The following MRPL42 variants were observed in gnomAD, a reference collection of about 807,000 sequenced individuals.
MRPL42 encodes the protein mitochondrial ribosomal protein L42, also known as large ribosomal subunit protein mL42.
In MRPL42, 17 loss-of-function variants were observed where a neutral mutation model predicts 17.9. The observed-to-expected ratio is 0.95, with a 90% CI of 0.65 to 1.42. The LOEUF (loss-of-function observed/expected upper bound fraction) is 1.42. Among genes scored for constraint, MRPL42 ranks in the 40% most tolerant of loss-of-function variants. The probability of loss-of-function intolerance (pLI) is 0.00; values close to 1 mark genes in which losing one functional copy is unlikely to be tolerated. For synonymous variants in MRPL42, 59 were observed against 54.4 expected, an observed-to-expected ratio of 1.08 and a Z score of -0.37; for missense variants, 177 against 175.2, an observed-to-expected ratio of 1.01 and a Z score of -0.06.
intron 5 of MRPL42, among the ~76,000 whole-genome samples, chr12:93,495,488 G>C (rs1953483845): frequency 6.6e-6 from 1 of 152,016 alleles, no homozygotes; most frequent in Non-Finnish European, 1.5e-5. Flanking sequence ...GTCCACCTTG[G>C]CCTCCCAAAG....
intron 5 of MRPL42, among the ~76,000 whole-genome samples, chr12:93,497,340 G>A (rs1481331443): frequency 6.6e-6 from 1 of 151,986 alleles, no homozygotes; most frequent in Non-Finnish European, 1.5e-5. Flanking sequence ...AACAAAATAC[G>A]AGCAAACCAA....
chr12:93,507,190 A>G lies in MRPL42; in HGVS notation c.*5969A>G, dbSNP rs959523676. 6.6e-6 allele frequency: 1 copy of G among 152,212 alleles called. No homozygotes were observed. The highest frequency in any genetic ancestry group is 2.4e-5 in the African/African-American group (1 of 41,452). 9.4% of individuals were successfully genotyped at this position (152,212 alleles called of 1,614,324 possible). On this transcript the variant is annotated 3_prime_UTR_variant, in exon 6 of 6. Transcript: ENST00000549982. ...GCCAGTTTCCATGACTGGGTCTTAC[A>G]AGTTGTTGTGCACTGACTCCATCAT... is the stretch of plus-strand genomic sequence containing the variant.
chr12:93,481,025 G>A (rs994126396), intron 4 of MRPL42, among the ~76,000 whole-genome samples: 6 of 152,126 alleles, frequency 3.9e-5, no homozygotes, highest in African/African-American at 1.4e-4. Context: ...ACTATGTTGT[G>A]CCTTTGTCCA....
intron 2 of MRPL42, among the ~76,000 whole-genome samples, chr12:93,473,877 T>G (rs1880029553): frequency 6.6e-6 from 1 of 152,258 alleles, no homozygotes; most frequent in South Asian, 2.1e-4. Context: ...CCTTATGAAT[T>G]TTTCAAACAT....
At chr12:93,470,587 A>G (rs939420507) in intron 2 of MRPL42, 10 of 1,234,340 alleles carry the variant, frequency 8.1e-6, no homozygotes, top group African/African-American at 6.2e-5. Context: ...ATAGTACCCA[A>G]TAGGTAGTTT....
intron 5 of MRPL42, among the ~76,000 whole-genome samples, chr12:93,494,211 C>A (rs986935629): frequency 6.6e-6 from 1 of 152,012 alleles, no homozygotes; most frequent in African/African-American, 2.4e-5. Flanking sequence ...AGAAAAATTA[C>A]AAGAACCAAG....
chr12:93,476,005 C>A (rs1315988594), intron 2 of MRPL42, among the ~76,000 whole-genome samples: 1 of 151,674 alleles, frequency 6.6e-6, no homozygotes, highest in East Asian at 1.9e-4. Context: ...ACAACAACAA[C>A]AAAAAAAGAA....
rs768594301 is a variant in MRPL42 at position 93,477,003 on chromosome 12, A to G, written c.120A>G (p.Pro40=). 6.3e-6 allele frequency: 10 copies of G among 1,599,392 alleles called. No individual in the cohort carries two copies. Among genetic ancestry groups the G allele is most frequent in the Non-Finnish European group, 8.6e-6 (10 of 1,169,406 alleles). The change falls in exon 3 of 6, where the codon CCA becomes CCG. Residue 40 remains proline, a synonymous_variant. Transcript: ENST00000549982. ...ATAAATCTACGTATTCTCCTCTACC[A>G]GATGACTATAATTGGTATGTATTAA... The part of the protein sequence containing the change: ...VCHKSTYSPL[P]DDYNCNVELA...
At position 93,487,513 on chromosome 12, in the gene MRPL42, A is replaced by G. The variant is rs1565814972; in HGVS notation, c.236A>G (p.Asp79Gly). 3 of 1,613,100 alleles carry G rather than the reference A, an allele frequency of 1.9e-6. No homozygotes were observed. The African/African-American group carries it at 4.0e-5, about 22-fold the overall frequency. Residue 79 changes from aspartate (D) to glycine (G), a missense_variant, in exon 5 of 6, where the codon GAT becomes GGT. Transcript: ENST00000549982. ...ATTTTGTAGCCTATCCCTCGGCCAG[A>G]TCCTGTGCATAATAATGAAGAAACA... ...YEHTKPIPRP[D>G]PVHNNEETHD...
chr12:93,495,411 T>G (rs567265075), intron 5 of MRPL42, among the ~76,000 whole-genome samples: 104 of 152,220 alleles, frequency 6.8e-4, no homozygotes, highest in African/African-American at 2.1e-3. Flanking sequence ...GTTGTTTGTA[T>G]TTTTTGGAGA....
intron 4 of MRPL42, among the ~76,000 whole-genome samples, chr12:93,480,816 A>G (rs148818278): frequency 0.018 from 2,791 of 152,212 alleles, 79 homozygotes; most frequent in African/African-American, 0.064. Flanking sequence ...CTGGGATTAC[A>G]GGTATGAGCC....
At position 93,511,824 on chromosome 12, in the gene MRPL42, A is replaced by G. The variant is rs1953728279; in HGVS notation, c.*10603A>G. The G allele has an allele frequency of 6.6e-6, 1 of 152,250 alleles. No individual in the cohort carries two copies. Among genetic ancestry groups the G allele is most frequent in the Non-Finnish European group, 1.5e-5 (1 of 68,038 alleles). 9.4% of individuals were successfully genotyped at this position (152,250 alleles called of 1,614,324 possible). On this transcript the variant is annotated 3_prime_UTR_variant, in exon 6 of 6. Transcript: ENST00000549982. ...GGAATCCAATTGGATGGATAGCAGCAGTGGTAAGAGAACATTCCGGAATAA... is the reference window on the plus strand; with the variant it reads ...GGAATCCAATTGGATGGATAGCAGCGGTGGTAAGAGAACATTCCGGAATAA...
In MRPL42 at chr12:93,507,107, G is replaced by A. The variant is rs574956762; in HGVS notation, c.*5886G>A. ...CTGATGAAATGTGCCTTTAGCAATA[G>A]ATGTGTCCAGTGATGTACTAATGAA... On this transcript the variant is annotated 3_prime_UTR_variant, in exon 6 of 6. Coordinates refer to ENST00000549982, the MANE Select transcript of MRPL42 (RefSeq NM_014050.4). 2.0e-5 allele frequency: 3 copies of A among 152,278 alleles called. No individual in the cohort carries two copies. The highest frequency in any genetic ancestry group is 4.1e-4 in the South Asian group (2 of 4,824). 9.4% of individuals were successfully genotyped at this position (152,278 alleles called of 1,614,324 possible).
intron 5 of MRPL42, among the ~76,000 whole-genome samples, chr12:93,491,502 A>G (rs1003204152): frequency 2.0e-5 from 3 of 152,116 alleles, no homozygotes; most frequent in Non-Finnish European, 4.4e-5. Context: ...GTGCTATATG[A>G]GCTATATGCT....
rs541355184 is a variant in MRPL42 at position 93,494,167 on chromosome 12, G to A, written c.383+6507G>A. Among the ~76,000 whole-genome samples, 457 of 151,806 alleles carry A rather than the reference G, an allele frequency of 3.0e-3. 3 individuals are homozygous for A. Among genetic ancestry groups the A allele is most frequent in the South Asian group, 9.0e-3 (43 of 4,788 alleles). On this transcript the variant is annotated intron_variant, in intron 5 of 5. Coordinates refer to ENST00000549982, the MANE Select transcript of MRPL42 (RefSeq NM_014050.4). ...GTAGTTGTAGGCCTAGAGTGTTTCT[G>A]AGTGAGATAGGAAGCTGTTTGAGGA... is the stretch of plus-strand genomic sequence containing the variant.
rs1953744556 is a variant in MRPL42 at position 93,513,453 on chromosome 12, T to G, written c.*12232T>G. 6.6e-6 allele frequency: 1 copy of G among 152,064 alleles called. No individual in the cohort carries two copies. The highest frequency in any genetic ancestry group is 2.4e-5 in the African/African-American group (1 of 41,418). The allele number at this position is 152,064 out of a possible 1,614,324, so 9.4% of individuals were successfully genotyped here. A position where few individuals can be genotyped will look rare whatever the true frequency, so the allele number is the denominator to read the frequency against. On this transcript the variant is annotated 3_prime_UTR_variant, in exon 6 of 6. Coordinates refer to ENST00000549982, the MANE Select transcript of MRPL42 (RefSeq NM_014050.4). Reference sequence around the variant, plus strand: ...CCTCCCATCTCGGCCCCCACAAGTGTTGAGATGACAGGTGTGAGCCACCTT... The same window carrying G: ...CCTCCCATCTCGGCCCCCACAAGTGGTGAGATGACAGGTGTGAGCCACCTT...
chr12:93,474,466 G>T (rs895423559), intron 2 of MRPL42, among the ~76,000 whole-genome samples: 1 of 151,714 alleles, frequency 6.6e-6, no homozygotes, highest in Non-Finnish European at 1.5e-5. Context: ...AAACGATTTT[G>T]CTCTGTTGCC....
intron 2 of MRPL42, among the ~76,000 whole-genome samples, chr12:93,474,815 G>C (rs1254976472): frequency 6.6e-6 from 1 of 151,898 alleles, no homozygotes; most frequent in Non-Finnish European, 1.5e-5. Flanking sequence ...ATATGGCCAG[G>C]TGCAGTGGCT....
intron 3 of MRPL42, among the ~76,000 whole-genome samples, chr12:93,478,709 G>A (rs1203177039): frequency 1.3e-5 from 2 of 152,088 alleles, no homozygotes; most frequent in Admixed American, 6.5e-5. Context: ...AATGTTCATT[G>A]TAGCCATGTT....
Sources: allele counts gnomAD v4.1 joint callset (sites outside exome capture counted in the v4.1 genomes callset), GRCh38; gene constraint gnomAD v4.1.1; transcripts MANE v1.5; gene names NCBI Gene and HGNC (gene_info 2026-07-23, HGNC 2026-07-21).